The following CDKL2 variants were observed in gnomAD, a reference collection of about 807,000 sequenced individuals.
CDKL2 encodes the protein cyclin-dependent kinase-like 2.
In CDKL2, 64 loss-of-function variants were observed where a neutral mutation model predicts 63.9. The ratio of observed to expected loss-of-function variants is 1.00; its 90% CI spans 0.82 to 1.23. CDKL2 has a LOEUF of 1.23. CDKL2 is among the 50% of genes most tolerant of loss of function. The pLI is 0.00. For synonymous variants in CDKL2, 211 were observed against 229.2 expected, an observed-to-expected ratio of 0.92 and a Z score of 0.72; for missense variants, 656 against 668.0, an observed-to-expected ratio of 0.98 and a Z score of 0.20.
chr4:75,594,728 G>A lies in CDKL2; in HGVS notation c.1416+1519C>T, dbSNP rs187117658. ...AAAAGCAAATCCATTGGGTTATCTG[G>A]GGGAAGAATGTTCCAAAGCAAAAGA... On this transcript the variant is annotated intron_variant, in intron 10 of 13. Coordinates refer to ENST00000307465, the MANE Select transcript of CDKL2 (RefSeq NM_001330724.2). 2.1e-3 allele frequency among the ~76,000 whole-genome samples: 321 copies of A among 152,254 alleles called. 1 individual carries two copies. The highest frequency in any genetic ancestry group is 7.5e-3 in the African/African-American group (313 of 41,554).
At chr4:75,609,478 A>C (rs1051117460) in intron 3 of CDKL2, among the ~76,000 whole-genome samples, 3 of 151,594 alleles carry the variant, frequency 2.0e-5, no homozygotes, top group African/African-American at 7.3e-5. Flanking sequence ...TATGGCAGGC[A>C]CCTGTAATCC....
At chr4:75,616,119 G>A (rs6531778) in intron 2 of CDKL2, among the ~76,000 whole-genome samples, 133,258 of 152,190 alleles carry the variant, frequency 0.88, 58,361 homozygotes, top group East Asian at 0.92. Flanking sequence ...AGAAGTAACT[G>A]TGTTATTTAA....
At chr4:75,606,273 C>T (rs1026692699) in intron 4 of CDKL2, among the ~76,000 whole-genome samples, 3 of 149,386 alleles carry the variant, frequency 2.0e-5, no homozygotes, top group East Asian at 3.9e-4. Context: ...GGAGTGCAGT[C>T]GCGTAATCTC....
At chr4:75,602,668 T>G (rs1189695167) in intron 6 of CDKL2, among the ~76,000 whole-genome samples, 1 of 152,022 alleles carries the variant, frequency 6.6e-6, no homozygotes, top group Non-Finnish European at 1.5e-5. Flanking sequence ...ATTACAGACA[T>G]GCACCACCAT....
rs1362872844 is a variant in CDKL2 at position 75,625,915 on chromosome 4, T to C, written c.74A>G (p.Asp25Gly). 2 of 1,612,880 alleles carry C rather than the reference T, an allele frequency of 1.2e-6. No individual in the cohort carries two copies. The highest frequency in any genetic ancestry group is 1.7e-6 in the Non-Finnish European group (2 of 1,179,158). The stretch of plus-strand genomic sequence containing the variant: ...CTTTATGGCCACAATTCTTCCAGTA[T>C]CTTTATTCCTACACTTCATCACCAT... ...YGMVMKCRNK[D>G]TGRIVAIKKF... The change falls in exon 2 of 14, where the codon GAT (aspartate) becomes GGT (glycine). Residue 25 changes from aspartate (D) to glycine (G), a missense_variant. By Grantham distance (94) the Asp-to-Gly change is moderately conservative. Coordinates refer to ENST00000307465, the MANE Select transcript of CDKL2 (RefSeq NM_001330724.2).
At chr4:75,580,522 C>A (rs1038121163) in intron 13 of CDKL2, among the ~76,000 whole-genome samples, 2 of 151,368 alleles carry the variant, frequency 1.3e-5, no homozygotes, top group African/African-American at 4.8e-5. Context: ...AAAAAATTAG[C>A]CGGGCTTTGT....
At chr4:75,623,955 G>A (rs1464918428) in intron 2 of CDKL2, among the ~76,000 whole-genome samples, 1 of 151,842 alleles carries the variant, frequency 6.6e-6, no homozygotes, top group African/African-American at 2.4e-5. Flanking sequence ...CCAACATGGT[G>A]AAACCCCATC....
intron 7 of CDKL2, 68 bp downstream of exon 7, chr4:75,600,213 T>G: frequency 1.0e-6 from 1 of 971,604 alleles, no homozygotes; most frequent in South Asian, 1.4e-5. Context: ...GAAGTGCTAT[T>G]TGTGACTATT....
At chr4:75,581,370 A>G (rs928837234) in intron 13 of CDKL2, among the ~76,000 whole-genome samples, 5 of 152,234 alleles carry the variant, frequency 3.3e-5, no homozygotes, top group Non-Finnish European at 5.9e-5. Context: ...ATAGTAGGTT[A>G]TATCATCTAG....
chr4:75,603,015 C>T (rs1468093994), intron 6 of CDKL2, among the ~76,000 whole-genome samples: 5 of 103,384 alleles, frequency 4.8e-5, no homozygotes, highest in African/African-American at 1.6e-4. Flanking sequence ...TTTTTTGAGA[C>T]GGAGTCTCGC....
chr4:75,611,215 T>C (rs1349734970), intron 3 of CDKL2, among the ~76,000 whole-genome samples: 1 of 152,046 alleles, frequency 6.6e-6, no homozygotes, highest in Admixed American at 6.6e-5. Context: ...TCCCAGCACT[T>C]TGGGAGGCCG....
At chr4:75,622,715 CAAAAAAAAAAAAAAAAA>C (rs1171964321) in intron 2 of CDKL2, among the ~76,000 whole-genome samples, 1 of 13,958 alleles carries the variant, frequency 7.2e-5, no homozygotes, top group Admixed American at 1.7e-3. Context: ...AAGACTCCAT[CAAAAAAAAAAAAAAAAA>C]AAAAAAAAAA....
chr4:75,580,839 T>C (rs893165075), intron 13 of CDKL2, among the ~76,000 whole-genome samples: 5 of 149,678 alleles, frequency 3.3e-5, no homozygotes, highest in African/African-American at 1.2e-4. Context: ...TAGCTGGGAC[T>C]ACAGGCGCCC....
chr4:75,586,790 T>C (rs1427314039), intron 12 of CDKL2, among the ~76,000 whole-genome samples: 2 of 152,104 alleles, frequency 1.3e-5, no homozygotes, highest in African/African-American at 2.4e-5. Context: ...AAATACAACA[T>C]ATCAAAAGCT....
chr4:75,596,953 A>G lies in CDKL2; in HGVS notation c.1304T>C (p.Ile435Thr), dbSNP rs780038525. 6.2e-7 allele frequency: 1 copy of G among 1,613,680 alleles called. No individual in the cohort carries two copies. Among genetic ancestry groups the G allele is most frequent in the African/African-American group, 1.3e-5 (1 of 75,056 alleles). Residue 435 changes from isoleucine (I) to threonine (T), a missense_variant, in exon 9 of 14, where the codon ATA becomes ACA. Coordinates refer to ENST00000307465, the MANE Select transcript of CDKL2 (RefSeq NM_001330724.2). ...TTCATACCTGTAACCCTGAATTGGTATAGTCTCAGTCCCCATTCCAGAATT... is the reference window on the plus strand; with the variant it reads ...TTCATACCTGTAACCCTGAATTGGTGTAGTCTCAGTCCCCATTCCAGAATT... Reference protein sequence around the residue: ...SINSGMGTETIPIQGYRVDEK... With the variant: ...SINSGMGTETTPIQGYRVDEK...
At chr4:75,620,774 C>T (rs183797391) in intron 2 of CDKL2, among the ~76,000 whole-genome samples, 11 of 152,038 alleles carry the variant, frequency 7.2e-5, no homozygotes, top group African/African-American at 1.4e-4. Flanking sequence ...GTTCAGGGGC[C>T]GTGAAGGTGA....
intron 1 of CDKL2, among the ~76,000 whole-genome samples, chr4:75,627,930 T>C (rs1038083474): frequency 7.3e-5 from 11 of 150,414 alleles, no homozygotes; most frequent in South Asian, 4.2e-4. Flanking sequence ...GTTACTATAT[T>C]GAACTTAGAA....
chr4:75,628,336 C>T (rs1366184629), intron 1 of CDKL2, among the ~76,000 whole-genome samples: 1 of 152,036 alleles, frequency 6.6e-6, no homozygotes, highest in Non-Finnish European at 1.5e-5. Context: ...AGGATTGTAT[C>T]GATCTCCTGA....
At chr4:75,580,133 G>A (rs766806324) in intron 13 of CDKL2, among the ~76,000 whole-genome samples, 21 of 151,852 alleles carry the variant, frequency 1.4e-4, no homozygotes, top group Admixed American at 2.6e-4. Flanking sequence ...TTAGCTGGGC[G>A]TGGTGGCACA....
Sources: gnomAD v4.1 joint callset for allele counts (sites outside exome capture counted in the v4.1 genomes callset) on GRCh38, gnomAD v4.1.1 for gene constraint, MANE v1.5 for transcripts, NCBI Gene and HGNC (gene_info 2026-07-23, HGNC 2026-07-21) for gene names.